Variants in RBFOX1 observed in about 807,000 individuals in gnomAD.
RBFOX1 encodes RNA binding protein fox-1 homolog 1.
A neutral mutation model predicts 57.7 loss-of-function variants in RBFOX1; 8 were observed. The ratio of observed to expected loss-of-function variants is 0.14; its 90% confidence interval spans 0.08 to 0.25. The LOEUF (loss-of-function observed/expected upper bound fraction) is 0.25, where lower values mean the gene tolerates loss of function less well. RBFOX1 is among the 10% of genes least tolerant of loss of function. The pLI is 1.00. For synonymous variants in RBFOX1, 326 were observed against 222.4 expected (o/e 1.47, Z -4.15); for missense variants, 611 against 548.5 (o/e 1.11, Z -1.14).
chr16:5,425,119 A>T, intron 1 of RBFOX1, among the ~76,000 whole-genome samples: 1 of 136,766 alleles, frequency 7.3e-6, no homozygotes, highest in African/African-American at 2.8e-5. Flanking sequence ...CTATCTATCT[A>T]TCTTGAGACA....
At chr16:5,403,693 G>T (rs868787442) in intron 1 of RBFOX1, among the ~76,000 whole-genome samples, 1 of 152,082 alleles carries the variant, frequency 6.6e-6, no homozygotes, top group Non-Finnish European at 1.5e-5. Flanking sequence ...TGATCTGCCC[G>T]CCTCAGCCTC....
At chr16:7,297,974 T>C (rs917647695) in intron 4 of RBFOX1, among the ~76,000 whole-genome samples, 3 of 152,206 alleles carry the variant, frequency 2.0e-5, no homozygotes, top group Non-Finnish European at 2.9e-5. Flanking sequence ...GATGTCTATA[T>C]GCATCCACAC....
chr16:6,364,354 C>G (rs1403549963), intron 2 of RBFOX1, among the ~76,000 whole-genome samples: 1 of 152,190 alleles, frequency 6.6e-6, no homozygotes, highest in Non-Finnish European at 1.5e-5. Context: ...TTCCTCTCCT[C>G]TTCCTCTTTC....
intron 2 of RBFOX1, among the ~76,000 whole-genome samples, chr16:6,600,359 G>C (rs1422710416): frequency 6.6e-6 from 1 of 152,086 alleles, no homozygotes; most frequent in Non-Finnish European, 1.5e-5. Flanking sequence ...AGGCTGCTCT[G>C]CTAAGCAGTC....
chr16:7,194,568 C>T (rs2086218644), intron 4 of RBFOX1, among the ~76,000 whole-genome samples: 1 of 152,094 alleles, frequency 6.6e-6, no homozygotes, highest in Admixed American at 6.6e-5. Flanking sequence ...TGCCTGAAAC[C>T]ATCTTTGAAT....
chr16:7,121,942 A>G (rs1239245587), intron 4 of RBFOX1, among the ~76,000 whole-genome samples: 1 of 121,258 alleles, frequency 8.2e-6, no homozygotes, highest in Non-Finnish European at 1.9e-5. Context: ...TGTTTTCAAC[A>G]ACTGGTGTTG....
intron 3 of RBFOX1, among the ~76,000 whole-genome samples, chr16:6,932,377 G>C (rs773631256): frequency 2.6e-5 from 4 of 152,138 alleles, no homozygotes; most frequent in Non-Finnish European, 5.9e-5. Context: ...TAAGTGCTGG[G>C]ATTACATGCA....
At chr16:7,453,593 G>A (rs1000369940) in intron 4 of RBFOX1, among the ~76,000 whole-genome samples, 1 of 152,128 alleles carries the variant, frequency 6.6e-6, no homozygotes. Context: ...GCACTTTGAT[G>A]AGCAGGCACT....
intron 3 of RBFOX1, among the ~76,000 whole-genome samples, chr16:6,743,980 A>G (rs189132199): frequency 4.2e-4 from 64 of 151,904 alleles, no homozygotes; most frequent in African/African-American, 1.3e-3. Context: ...TCTTTTCAAT[A>G]TATAAAGCAA....
rs186306668 is a variant in RBFOX1 at position 6,572,659 on chromosome 16, C to T, written c.-63-81944C>T. Among the ~76,000 whole-genome samples the T allele has an allele frequency of 1.9e-3, 286 of 152,092 alleles. 1 individual carries two copies. Among genetic ancestry groups the T allele is most frequent in the African/African-American group, 6.5e-3 (270 of 41,470 alleles). On this transcript the variant is annotated intron_variant, in intron 2 of 15. Transcript: ENST00000550418. The stretch of plus-strand genomic sequence containing the variant: ...CCAGGCTGGAGTGCAGTGTCACTAT[C>T]TCAGCTCACCGCAACCTCTGCCTCC...
At chr16:7,262,757 G>A (rs2094967772) in intron 4 of RBFOX1, among the ~76,000 whole-genome samples, 1 of 152,278 alleles carries the variant, frequency 6.6e-6, no homozygotes, top group East Asian at 1.9e-4. Context: ...ATGGATGGCA[G>A]AAGAGTTACT....
At chr16:5,997,271 G>A (rs1420632876) in intron 4 of RBFOX1, among the ~76,000 whole-genome samples, 1 of 152,222 alleles carries the variant, frequency 6.6e-6, no homozygotes, top group Non-Finnish European at 1.5e-5. Context: ...TTGGAGCCTG[G>A]ACCTCTACAG....
At chr16:6,895,446 GTGTATATATA>G (rs1352341644) in intron 3 of RBFOX1, among the ~76,000 whole-genome samples, 27 of 57,098 alleles carry the variant, frequency 4.7e-4, no homozygotes, top group Middle Eastern at 0.011. Context: ...GTGTGTGTGT[GTGTATATATA>G]TATATATATA....
At chr16:6,801,567 G>A (rs2085458241) in intron 3 of RBFOX1, among the ~76,000 whole-genome samples, 2 of 152,074 alleles carry the variant, frequency 1.3e-5, no homozygotes, top group Non-Finnish European at 2.9e-5. Flanking sequence ...GCAAAAGGAA[G>A]CCCATAATTG....
intron 3 of RBFOX1, among the ~76,000 whole-genome samples, chr16:6,830,243 G>C (rs902075300): frequency 6.6e-6 from 1 of 152,134 alleles, no homozygotes; most frequent in Non-Finnish European, 1.5e-5. Flanking sequence ...TGTGTGTGAA[G>C]ACATCAGTAT....
At chr16:6,600,459 G>C (rs2097839817) in intron 2 of RBFOX1, among the ~76,000 whole-genome samples, 1 of 152,170 alleles carries the variant, frequency 6.6e-6, no homozygotes, top group Non-Finnish European at 1.5e-5. Flanking sequence ...AGGACTTCTG[G>C]CATTCTGAAA....
intron 5 of RBFOX1, among the ~76,000 whole-genome samples, chr16:7,534,086 C>CTTTTTTTTTTTTTTTTT (rs529708813): frequency 7.7e-6 from 1 of 129,924 alleles, no homozygotes. Context: ...CGTTTTTTTT[C>CTTTTTTTTTTTTTTTTT]TTTTTTTTTT....
chr16:7,096,110 A>C (rs564832121), intron 4 of RBFOX1, among the ~76,000 whole-genome samples: 1 of 152,160 alleles, frequency 6.6e-6, no homozygotes, highest in South Asian at 2.1e-4. Context: ...GACCCAGGAG[A>C]CATGATATGA....
At chr16:5,378,220 T>A (rs139750912) in intron 1 of RBFOX1, among the ~76,000 whole-genome samples, 1 of 151,784 alleles carries the variant, frequency 6.6e-6, no homozygotes, top group Non-Finnish European at 1.5e-5. Flanking sequence ...CACCAGCTGT[T>A]CTGGATTATC....
Sources: gnomAD v4.1 joint callset for allele counts (sites outside exome capture counted in the v4.1 genomes callset) on GRCh38, gnomAD v4.1.1 for gene constraint, MANE v1.5 for transcripts, NCBI Gene and HGNC (gene_info 2026-07-23, HGNC 2026-07-21) for gene names.